The following PTPRD variants were observed in gnomAD, a reference collection of about 807,000 sequenced individuals.
The protein encoded by PTPRD is protein tyrosine phosphatase receptor type D.
PTPRD carries 34 observed loss-of-function variants against 214.5 expected under a neutral mutation model. The observed-to-expected ratio is 0.16, with a 90% confidence interval of 0.12 to 0.21. PTPRD has a LOEUF of 0.21. Ranked by LOEUF, PTPRD falls within the 10% of genes least tolerant of loss-of-function variation. The pLI is 1.00. For synonymous variants in PTPRD, 1,128 were observed against 845.7 expected (o/e 1.33, Z -5.79); for missense variants, 2,545 against 2,398.7 (o/e 1.06, Z -1.27).
chr9:9,121,100 G>T (rs895599165), intron 10 of PTPRD, among the ~76,000 whole-genome samples: 1 of 152,160 alleles, frequency 6.6e-6, no homozygotes, highest in African/African-American at 2.4e-5. Flanking sequence ...AATACTTATT[G>T]AAAGTCAGGA....
At position 9,275,136 on chromosome 9, in the gene PTPRD, AATAT is replaced by A. The variant is rs1432356074; in HGVS notation, c.-202-91777_-202-91774del. Reference sequence around the variant, plus strand: ...TATATATATTATATATATTATATATAATATATATATAATATATTATATATATAAC... The same window carrying A: ...TATATATATTATATATATTATATATAATATATAATATATTATATATATAAC... On this transcript the variant is annotated intron_variant, in intron 9 of 45. Transcript: ENST00000381196. Among the ~76,000 whole-genome samples the A allele has an allele frequency of 7.8e-5, 4 of 51,250 alleles. No individual in the cohort carries two copies. In the East Asian group the frequency reaches 2.1e-3, roughly 27 times the overall value. 33.6% of individuals were successfully genotyped at this position (51,250 alleles called of 152,430 possible). A position where few individuals can be genotyped will look rare whatever the true frequency, so the allele number is the denominator to read the frequency against.
chr9:9,081,188 C>T (rs1443774498), intron 10 of PTPRD, among the ~76,000 whole-genome samples: 2 of 151,970 alleles, frequency 1.3e-5, no homozygotes, highest in Non-Finnish European at 2.9e-5. Context: ...GATTCTGGTA[C>T]ATTGTATGTT....
At chr9:9,316,819 A>G (rs1341565128) in intron 9 of PTPRD, among the ~76,000 whole-genome samples, 1 of 152,154 alleles carries the variant, frequency 6.6e-6, no homozygotes, top group Admixed American at 6.6e-5. Context: ...CCCTGGGACT[A>G]CGTGGTAATT....
At chr9:9,013,690 T>C (rs751814908) in intron 11 of PTPRD, among the ~76,000 whole-genome samples, 12 of 152,132 alleles carry the variant, frequency 7.9e-5, no homozygotes, top group Non-Finnish European at 1.5e-4. Context: ...GAAGCAACTC[T>C]GCCCTGATTC....
intron 3 of PTPRD, among the ~76,000 whole-genome samples, chr9:10,223,551 C>T (rs1439238171): frequency 6.6e-6 from 1 of 151,634 alleles, no homozygotes; most frequent in Non-Finnish European, 1.5e-5. Flanking sequence ...GTCATCCCAG[C>T]TACTCAAGAA....
intron 9 of PTPRD, among the ~76,000 whole-genome samples, chr9:9,368,425 C>G (rs978172262): frequency 2.0e-5 from 3 of 151,854 alleles, no homozygotes; most frequent in African/African-American, 7.2e-5. Context: ...ATCCTTTCAT[C>G]TACTACAACA....
chr9:9,120,801 A>G (rs1204099677), intron 10 of PTPRD, among the ~76,000 whole-genome samples: 1 of 152,206 alleles, frequency 6.6e-6, no homozygotes, highest in Non-Finnish European at 1.5e-5. Context: ...TCCAAGGATC[A>G]TGTGTACAAC....
chr9:9,279,342 TTA>T (rs113014721), intron 9 of PTPRD, among the ~76,000 whole-genome samples: 24 of 145,130 alleles, frequency 1.7e-4, no homozygotes, highest in African/African-American at 3.0e-4. Context: ...ATACCTAAAT[TTA>T]TATATATATA....
intron 8 of PTPRD, among the ~76,000 whole-genome samples, chr9:9,573,560 G>C (rs1370930270): frequency 6.6e-6 from 1 of 151,506 alleles, no homozygotes; most frequent in Non-Finnish European, 1.5e-5. Context: ...GTAATTTTTA[G>C]AATACTTTTG....
intron 2 of PTPRD, among the ~76,000 whole-genome samples, chr9:10,492,955 A>C (rs1162679528): frequency 6.6e-6 from 1 of 152,130 alleles, no homozygotes; most frequent in African/African-American, 2.4e-5. Context: ...CTACACACAA[A>C]TAATAGACAA....
intron 5 of PTPRD, among the ~76,000 whole-genome samples, chr9:9,883,709 C>T (rs1365982070): frequency 1.3e-5 from 2 of 152,096 alleles, no homozygotes; most frequent in African/African-American, 2.4e-5. Context: ...ACCTCTTAGC[C>T]AGCTTTTATT....
intron 14 of PTPRD, among the ~76,000 whole-genome samples, chr9:8,605,671 A>C (rs1296780849): frequency 6.6e-6 from 1 of 152,204 alleles, no homozygotes; most frequent in Non-Finnish European, 1.5e-5. Context: ...AATGTACCTA[A>C]ATCACCTGGC....
chr9:8,934,831 T>C (rs2098985663), intron 11 of PTPRD, among the ~76,000 whole-genome samples: 2 of 151,894 alleles, frequency 1.3e-5, no homozygotes, highest in Admixed American at 1.3e-4. Flanking sequence ...GTTCAGCTTT[T>C]TGGATTCCAT....
At chr9:8,568,184 T>A (rs574497672) in intron 14 of PTPRD, among the ~76,000 whole-genome samples, 7 of 152,316 alleles carry the variant, frequency 4.6e-5, no homozygotes, top group African/African-American at 1.7e-4. Flanking sequence ...TAAATACAAG[T>A]GTTCTATACA....
rs1413231077 is a variant in PTPRD at position 8,492,880 on chromosome 9, C to A, written c.2449G>T (p.Val817Leu). 2.5e-6 allele frequency: 4 copies of A among 1,613,534 alleles called. No homozygotes were observed. The highest frequency in any genetic ancestry group is 3.4e-6 in the Non-Finnish European group (4 of 1,179,580). ...TGATTACCTGCCCCAGTGGTGGACA[C>A]CAGTTTGGGCTTGCTGCGAGCACCA... ...GDGARSKPKL[V>L]STTGAVPGKP... The change falls in exon 27 of 46, where the codon GTG becomes TTG. Residue 817 changes from valine (V) to leucine (L), a missense_variant. Transcript: ENST00000381196.
intron 7 of PTPRD, among the ~76,000 whole-genome samples, chr9:9,693,686 T>C (rs924936027): frequency 6.6e-6 from 1 of 152,220 alleles, no homozygotes; most frequent in Non-Finnish European, 1.5e-5. Flanking sequence ...TTTCTACTTC[T>C]ATGTCTTTCT....
At chr9:9,381,359 C>CTTTTTTTTTTTTTTTTTTTTTTTTTTTT (rs982056156) in intron 9 of PTPRD, among the ~76,000 whole-genome samples, 1 of 132,146 alleles carries the variant, frequency 7.6e-6, no homozygotes. Context: ...ATCAGTTATG[C>CTTTTTTTTTTTTTTTTTTTTTTTTTTTT]TTTTTTTTTT....
At chr9:9,096,988 A>G (rs1360778193) in intron 10 of PTPRD, among the ~76,000 whole-genome samples, 1 of 152,164 alleles carries the variant, frequency 6.6e-6, no homozygotes, top group Non-Finnish European at 1.5e-5. Context: ...ATTTCTGAAA[A>G]TATTATTAAT....
chr9:8,595,957 C>T (rs899317300), intron 14 of PTPRD, among the ~76,000 whole-genome samples: 2 of 152,104 alleles, frequency 1.3e-5, no homozygotes, highest in South Asian at 2.1e-4. Context: ...CATTGTATAT[C>T]GCTACAAATC....
Sources: allele counts gnomAD v4.1 joint callset (sites outside exome capture counted in the v4.1 genomes callset), GRCh38; gene constraint gnomAD v4.1.1; transcripts MANE v1.5; gene names NCBI Gene and HGNC (gene_info 2026-07-23, HGNC 2026-07-21).